The following NPIPB8 variants were observed in gnomAD, a reference collection of about 807,000 sequenced individuals.
NPIPB8 encodes nuclear pore complex interacting protein family member B8.
In NPIPB8, 3 loss-of-function variants were observed where a neutral mutation model predicts 5.3. The ratio of observed to expected loss-of-function variants is 0.57; its 90% CI spans 0.26 to 1.47. NPIPB8 has a LOEUF of 1.47. NPIPB8 is among the 40% of genes most tolerant of loss of function. The pLI, the probability that NPIPB8 is intolerant of heterozygous loss-of-function variation, is 0.13. For synonymous variants in NPIPB8, 18 were observed against 23.0 expected, an observed-to-expected ratio of 0.78 and a Z score of 0.62; for missense variants, 50 against 50.2, an observed-to-expected ratio of 1.00 and a Z score of 0.01.
intron 2 of NPIPB8, among the ~76,000 whole-genome samples, chr16:28,644,921 C>A (rs1206840343): frequency 1.0e-5 from 1 of 99,416 alleles, no homozygotes; most frequent in African/African-American, 3.9e-5. Flanking sequence ...ATCGCTTGGG[C>A]CGAGGAGCTG....
At chr16:28,640,790 CA>C (rs1421792917) in intron 2 of NPIPB8, among the ~76,000 whole-genome samples, 2 of 152,134 alleles carry the variant, frequency 1.3e-5, no homozygotes, top group Non-Finnish European at 2.9e-5. Context: ...CGAATGTAAT[CA>C]GCAGTGAACT....
At chr16:28,651,604 TTGTGTG>T (rs533825986) in intron 3 of NPIPB8, among the ~76,000 whole-genome samples, 435 of 39,140 alleles carry the variant, frequency 0.011, 74 homozygotes, top group African/African-American at 0.03. Flanking sequence ...CATGTCATTC[TTGTGTG>T]TGTGTGTGTG....
intron 2 of NPIPB8, among the ~76,000 whole-genome samples, chr16:28,639,998 G>A (rs1035545106): frequency 2.6e-5 from 4 of 151,210 alleles, no homozygotes; most frequent in African/African-American, 9.8e-5. Flanking sequence ...TGCTCTACAT[G>A]CACTTATATT....
Position 28,644,535 on chromosome 16 carries a change from A to G in NPIPB8, c.121-3600A>G, listed in dbSNP as rs771351568. ...CGTCCCCTTCCCTCCCCCCTGCCCT[A>G]AGCCACCTCCACCTCTGTCCTGGAC... On this transcript the variant is annotated intron_variant, in intron 2 of 7. Coordinates refer to ENST00000683297, the MANE Select transcript of NPIPB8 (RefSeq NM_001310136.2). 113 of 1,391,098 alleles carry G rather than the reference A, an allele frequency of 8.1e-5. 2 individuals carry two copies. In the African/African-American group the frequency reaches 1.1e-3, roughly 13 times the overall value. The allele number at this position is 1,391,098 out of a possible 1,614,324, so 86.2% of individuals were successfully genotyped here.
At position 28,651,643 on chromosome 16, in the gene NPIPB8, TGTGA is replaced by T. The variant is rs1389253083; in HGVS notation, c.304-312_304-309del. On this transcript the variant is annotated intron_variant, in intron 3 of 7. Transcript: ENST00000683297. Reference sequence around the variant, plus strand: ...GTGTGTGTGTGTGTGTGTGTGTGTGTGTGAGAGACAGAGTCTCATTCTGTCGCTC... The same window carrying T: ...GTGTGTGTGTGTGTGTGTGTGTGTGTGAGACAGAGTCTCATTCTGTCGCTC... Among the ~76,000 whole-genome samples, 317 of 79,816 alleles carry T rather than the reference TGTGA, an allele frequency of 4.0e-3. 3 individuals carry two copies. The highest frequency in any genetic ancestry group is 0.026 in the East Asian group (75 of 2,928). The allele number at this position is 79,816 out of a possible 152,430, so 52.4% of individuals were successfully genotyped here.
intron 2 of NPIPB8, among the ~76,000 whole-genome samples, chr16:28,643,026 G>A (rs1261139485): frequency 6.6e-6 from 1 of 152,264 alleles, no homozygotes; most frequent in Non-Finnish European, 1.5e-5. Flanking sequence ...GGCCAGGAAA[G>A]GTGATAGACA....
chr16:28,642,419 A>G (rs577999189), intron 2 of NPIPB8, among the ~76,000 whole-genome samples: 9 of 151,210 alleles, frequency 6.0e-5, no homozygotes, highest in African/African-American at 2.2e-4. Context: ...TAGGGCCGGA[A>G]CATGGCTGCA....
At chr16:28,639,066 CAAAA>C (rs1351798406) in intron 2 of NPIPB8, among the ~76,000 whole-genome samples, 1 of 99,678 alleles carries the variant, frequency 1.0e-5, no homozygotes, top group Non-Finnish European at 2.0e-5. Flanking sequence ...GAGACTCTGT[CAAAA>C]AAAAAAAAAA....
intron 3 of NPIPB8, among the ~76,000 whole-genome samples, chr16:28,651,626 G>C (rs2048044634): frequency 1.2e-5 from 1 of 80,312 alleles, no homozygotes; most frequent in Non-Finnish European, 2.4e-5. Context: ...GTGTGTGTGT[G>C]TGTGTGTGTG....
At chr16:28,643,171 G>T (rs979426398) in intron 2 of NPIPB8, among the ~76,000 whole-genome samples, 2 of 150,294 alleles carry the variant, frequency 1.3e-5, no homozygotes, top group East Asian at 2.0e-4. Flanking sequence ...GATGAACTTT[G>T]TTTCTTGAAA....
chr16:28,638,403 C>T lies in NPIPB8; in HGVS notation c.43C>T (p.His15Tyr), dbSNP rs1374959084. The part of the protein sequence containing the change: ...SIVLTPQFLS[H>Y]DQGQLTKELQ... ...TGTCCTGACCCCACAGTTCCTGTCC[C>T]ATGACCAGGGCCAGCTCACCAAGGA... Residue 15 changes from histidine to tyrosine, a missense_variant, in exon 2 of 8, where the codon CAT (histidine) becomes TAT (tyrosine). By Grantham distance (83) the His-to-Tyr change is moderately conservative. Coordinates refer to ENST00000683297, the MANE Select transcript of NPIPB8 (RefSeq NM_001310136.2). 1 of 1,572,134 alleles carries T rather than the reference C, an allele frequency of 6.4e-7. No homozygotes were observed. The highest frequency in any genetic ancestry group is 8.6e-7 in the Non-Finnish European group (1 of 1,166,676).
chr16:28,645,203 G>T (rs1171358828), intron 2 of NPIPB8, among the ~76,000 whole-genome samples: 1 of 130,748 alleles, frequency 7.6e-6, no homozygotes. Flanking sequence ...GCTAATTTTT[G>T]TATTTTTAGT....
intron 2 of NPIPB8, chr16:28,644,657 T>C: frequency 2.8e-6 from 4 of 1,438,792 alleles, no homozygotes; most frequent in Non-Finnish European, 3.7e-6. Flanking sequence ...CCCACCCCTG[T>C]GAGTAGACGC....
intron 5 of NPIPB8, among the ~76,000 whole-genome samples, chr16:28,652,602 T>C (rs2048059971): frequency 9.0e-6 from 1 of 111,526 alleles, no homozygotes; most frequent in African/African-American, 4.1e-5. Flanking sequence ...TGGTTTTCCT[T>C]TCTCTCTTTT....
chr16:28,651,645 T>TGTGTGA (rs1444110102), intron 3 of NPIPB8, among the ~76,000 whole-genome samples: 1 of 72,698 alleles, frequency 1.4e-5, no homozygotes, highest in East Asian at 3.8e-4. Flanking sequence ...TGTGTGTGTG[T>TGTGTGA]GAGAGACAGA....
chr16:28,641,972 A>G (rs1412732068), intron 2 of NPIPB8, among the ~76,000 whole-genome samples: 1 of 146,552 alleles, frequency 6.8e-6, no homozygotes, highest in Non-Finnish European at 1.5e-5. Context: ...TGCTTGGGCT[A>G]TGATCACGGT....
rs915302840 is a variant in NPIPB8 at position 28,638,418 on chromosome 16, C to G, written c.58C>G (p.Leu20Val). 1 of 1,572,720 alleles carries G rather than the reference C, an allele frequency of 6.4e-7. No individual in the cohort carries two copies. The highest frequency in any genetic ancestry group is 2.3e-5 in the East Asian group (1 of 44,384). ...PQFLSHDQGQ[L>V]TKELQQHVKS... ...GTTCCTGTCCCATGACCAGGGCCAGCTCACCAAGGAGCTGCAGCAGCATGT... is the reference window on the plus strand; with the variant it reads ...GTTCCTGTCCCATGACCAGGGCCAGGTCACCAAGGAGCTGCAGCAGCATGT... The change falls in exon 2 of 8, where the codon CTC (leucine) becomes GTC (valine). Residue 20 changes from leucine (L) to valine (V), a missense_variant. Coordinates refer to ENST00000683297, the MANE Select transcript of NPIPB8 (RefSeq NM_001310136.2).
intron 2 of NPIPB8, among the ~76,000 whole-genome samples, chr16:28,639,648 G>A (rs1454974125): frequency 7.2e-6 from 1 of 139,694 alleles, no homozygotes; most frequent in African/African-American, 2.7e-5. Flanking sequence ...TAGAGATGGG[G>A]TTTCACCATA....
chr16:28,640,401 C>T (rs2047874583), intron 2 of NPIPB8, among the ~76,000 whole-genome samples: 1 of 152,162 alleles, frequency 6.6e-6, no homozygotes, highest in Admixed American at 6.5e-5. Flanking sequence ...CATATAGGAG[C>T]TGTCAGTTGC....
Sources: gnomAD v4.1 joint callset for allele counts (sites outside exome capture counted in the v4.1 genomes callset) on GRCh38, gnomAD v4.1.1 for gene constraint, MANE v1.5 for transcripts, NCBI Gene and HGNC (gene_info 2026-07-23, HGNC 2026-07-21) for gene names.